Variants in ADGRG6 observed in about 807,000 individuals in gnomAD.
ADGRG6 encodes G-protein coupled receptor 126.
In ADGRG6, 84 loss-of-function variants were observed where a neutral mutation model predicts 142.4. The ratio of observed to expected loss-of-function variants is 0.59; its 90% CI spans 0.49 to 0.71. The LOEUF is 0.71. ADGRG6 is among the 30% of genes least tolerant of loss of function. The pLI, the probability that ADGRG6 is intolerant of heterozygous loss-of-function variation, is 0.00. For synonymous variants in ADGRG6, 521 were observed against 520.5 expected, an observed-to-expected ratio of 1.00 and a Z score of -0.01; for missense variants, 1,367 against 1,466.6, an observed-to-expected ratio of 0.93 and a Z score of 1.11.
At chr6:142,427,346 C>T (rs893670745) in intron 22 of ADGRG6, among the ~76,000 whole-genome samples, 5 of 152,120 alleles carry the variant, frequency 3.3e-5, no homozygotes, top group Non-Finnish European at 5.9e-5. Context: ...ATCAAAATGC[C>T]GCCAGACTCT....
At chr6:142,405,571 C>T (rs1434874860) in intron 14 of ADGRG6, 117 bp from the exon 15 acceptor site, 17 of 782,070 alleles carry the variant, frequency 2.2e-5, no homozygotes, top group Non-Finnish European at 3.5e-5. Flanking sequence ...AAAGGGAAGT[C>T]CTGGTACTGG....
rs557716413 is a variant in ADGRG6, at chr6:142,419,972, G to C, written c.3187G>C (p.Val1063Leu). Residue 1063 changes from valine (V) to leucine (L), a missense_variant, in exon 22 of 25, where the codon GTG (valine) becomes CTG (leucine). Transcript: ENST00000367609. ...AAGCAACCGGACCCTGAGAGAAGAA[G>C]TGTTAAGGAACCTGCGCAGTGTGGT... ...KRSNRTLREE[V>L]LRNLRSVVSL... 2 of 1,613,572 alleles carry C rather than the reference G, an allele frequency of 1.2e-6. No individual in the cohort carries two copies. The highest frequency in any genetic ancestry group is 2.2e-5 in the South Asian group (2 of 91,084).
At chr6:142,326,506 C>T (rs1778786903) in intron 2 of ADGRG6, among the ~76,000 whole-genome samples, 1 of 150,834 alleles carries the variant, frequency 6.6e-6, no homozygotes, top group Non-Finnish European at 1.5e-5. Flanking sequence ...AGTTTTCAGA[C>T]TCTTGGCTTT....
intron 11 of ADGRG6, among the ~76,000 whole-genome samples, 168 bp from the exon 12 acceptor site, chr6:142,401,826 G>C (rs1004553391): frequency 6.6e-6 from 1 of 152,010 alleles, no homozygotes; most frequent in African/African-American, 2.4e-5. Flanking sequence ...CAGGTACAGA[G>C]ATAAACAGAG....
chr6:142,409,128 T>A (rs968789611), intron 16 of ADGRG6, among the ~76,000 whole-genome samples: 1 of 152,126 alleles, frequency 6.6e-6, no homozygotes, highest in Non-Finnish European at 1.5e-5. Flanking sequence ...ACTATCCATC[T>A]CCCCAGTTGA....
intron 24 of ADGRG6, among the ~76,000 whole-genome samples, chr6:142,439,025 C>T (rs1777618833): frequency 6.6e-6 from 1 of 152,128 alleles, no homozygotes; most frequent in Non-Finnish European, 1.5e-5. Context: ...ATGACACATG[C>T]CTGGAGTCCC....
chr6:142,324,123 C>T (rs1277173559), intron 2 of ADGRG6, among the ~76,000 whole-genome samples: 1 of 151,996 alleles, frequency 6.6e-6, no homozygotes, highest in Non-Finnish European at 1.5e-5. Flanking sequence ...TTTTGAATGT[C>T]CTTTATTCTA....
intron 4 of ADGRG6, among the ~76,000 whole-genome samples, chr6:142,377,291 C>T (rs1161955359): frequency 6.6e-6 from 1 of 152,236 alleles, no homozygotes; most frequent in Admixed American, 6.5e-5. Flanking sequence ...AGACGGAGGC[C>T]TGCCAACAGG....
chr6:142,392,670 AAAG>A (rs1301988280), intron 7 of ADGRG6, among the ~76,000 whole-genome samples: 1 of 151,998 alleles, frequency 6.6e-6, no homozygotes, highest in East Asian at 1.9e-4. Flanking sequence ...CTTATCTGTG[AAAG>A]CTCAGTTTCT....
intron 2 of ADGRG6, 35 bp from the exon 3 acceptor site, chr6:142,367,534 C>T (rs1286282435): frequency 1.9e-6 from 3 of 1,549,742 alleles, no homozygotes; most frequent in Admixed American, 3.5e-5. Context: ...CTGAACCCAG[C>T]CCTTCTCTCT....
chr6:142,361,470 G>T (rs1780712801), intron 2 of ADGRG6, among the ~76,000 whole-genome samples: 1 of 152,156 alleles, frequency 6.6e-6, no homozygotes, highest in African/African-American at 2.4e-5. Context: ...GGAGAGGGCT[G>T]AGAGGGCAGG....
At chr6:142,416,716 A>G (rs1335321948) in intron 20 of ADGRG6, among the ~76,000 whole-genome samples, 1 of 152,194 alleles carries the variant, frequency 6.6e-6, no homozygotes, top group Non-Finnish European at 1.5e-5. Context: ...CTCAGGAGGC[A>G]ATAAGCACAC....
At chr6:142,333,899 C>G (rs974816056) in intron 2 of ADGRG6, among the ~76,000 whole-genome samples, 5 of 152,120 alleles carry the variant, frequency 3.3e-5, no homozygotes, top group African/African-American at 1.2e-4. Context: ...ACTTTAATTC[C>G]GGCCTTCTGT....
At chr6:142,438,486 A>T (rs981356157) in intron 24 of ADGRG6, 122 bp downstream of exon 24, 7 of 573,492 alleles carry the variant, frequency 1.2e-5, no homozygotes, top group Non-Finnish European at 2.0e-5. Flanking sequence ...TTATGAAAAT[A>T]AAAATCCGTT....
At position 142,438,367 on chromosome 6, in the gene ADGRG6, G is replaced by A. The variant is rs1777589447; in HGVS notation, c.3574+3G>A. On this transcript the variant is annotated splice_donor_region_variant and intron_variant, in intron 24 of 24. Coordinates refer to ENST00000367609, the MANE Select transcript of ADGRG6 (RefSeq NM_198569.3). ...TTTCAAAAGGAATAGCCACACAGGT[G>A]AGTCTAAAGATGTCCTCAAGTTTAG... is the stretch of plus-strand genomic sequence containing the variant. 3 of 1,575,614 alleles carry A rather than the reference G, an allele frequency of 1.9e-6. No individual in the cohort carries two copies. In the East Asian group the frequency reaches 6.9e-5, roughly 36 times the overall value.
intron 2 of ADGRG6, among the ~76,000 whole-genome samples, chr6:142,311,226 A>G (rs988804515): frequency 2.0e-5 from 3 of 152,058 alleles, no homozygotes; most frequent in South Asian, 2.1e-4. Context: ...TACACTTGTT[A>G]AGTTACTCTC....
chr6:142,305,146 G>T (rs1777421924), intron 1 of ADGRG6, among the ~76,000 whole-genome samples: 3 of 152,126 alleles, frequency 2.0e-5, no homozygotes, highest in Admixed American at 1.3e-4. Flanking sequence ...AAATTCAAAT[G>T]AGATGCAACT....
chr6:142,307,473 C>A (rs567088208), intron 1 of ADGRG6, among the ~76,000 whole-genome samples: 1 of 152,024 alleles, frequency 6.6e-6, no homozygotes, highest in African/African-American at 2.4e-5. Context: ...GGAAACAGGC[C>A]TATTCTTCCA....
intron 2 of ADGRG6, among the ~76,000 whole-genome samples, chr6:142,320,386 T>G (rs1778453830): frequency 1.3e-5 from 2 of 152,080 alleles, no homozygotes; most frequent in South Asian, 4.1e-4. Context: ...TTAAAGCACT[T>G]TTGGATGCAA....
Sources: gnomAD v4.1 joint callset for allele counts (sites outside exome capture counted in the v4.1 genomes callset) on GRCh38, gnomAD v4.1.1 for gene constraint, MANE v1.5 for transcripts, NCBI Gene and HGNC (gene_info 2026-07-23, HGNC 2026-07-21) for gene names.